The following MYO16 variants were observed in gnomAD, a reference collection of about 807,000 sequenced individuals.
MYO16 encodes the protein unconventional myosin-XVI.
Under a neutral mutation model 205.3 loss-of-function variants are expected in MYO16, and 94 were observed. The ratio of observed to expected loss-of-function variants is 0.46; its 90% confidence interval spans 0.39 to 0.54. The LOEUF is 0.54. Ranked by LOEUF, MYO16 falls within the 20% of genes least tolerant of loss-of-function variation. The pLI, the probability that MYO16 is intolerant of heterozygous loss-of-function variation, is 0.00. For synonymous variants in MYO16, 988 were observed against 954.0 expected, an observed-to-expected ratio of 1.04 and a Z score of -0.66; for missense variants, 2,315 against 2,387.5, an observed-to-expected ratio of 0.97 and a Z score of 0.63.
the MYO16 span, among the ~76,000 whole-genome samples, chr13:108,538,212 G>T: frequency 1.3e-5 from 2 of 152,064 alleles, no homozygotes; most frequent in African/African-American, 4.8e-5. Context: ...CTAATAAAGA[G>T]AATGTCACAG....
chr13:108,726,495 G>A lies in MYO16; in HGVS notation c.364-945G>A, dbSNP rs570207408. On this transcript the variant is annotated intron_variant, in intron 3 of 34. Transcript: ENST00000457511. ...AATTACTTGAACCTGGGAAGTGGAG[G>A]TTGCAGTGAGCTGAGATCGCGCCAC... Among the ~76,000 whole-genome samples, 3 of 151,558 alleles carry A rather than the reference G, an allele frequency of 2.0e-5. No individual in the cohort carries two copies. The South Asian group carries it at 6.3e-4, about 32-fold the overall frequency.
intron 2 of MYO16, among the ~76,000 whole-genome samples, chr13:108,703,168 G>A (rs1883373746): frequency 6.6e-6 from 1 of 152,084 alleles, no homozygotes; most frequent in Non-Finnish European, 1.5e-5. Context: ...GCTATATTTT[G>A]CCTGTAAGAG....
the MYO16 span, among the ~76,000 whole-genome samples, chr13:108,523,067 T>C: frequency 6.6e-6 from 1 of 152,086 alleles, no homozygotes; most frequent in Non-Finnish European, 1.5e-5. Flanking sequence ...GAAATAGACA[T>C]TACAGGGACT....
chr13:108,676,608 T>C (rs1379984681), intron 2 of MYO16, among the ~76,000 whole-genome samples: 2 of 152,074 alleles, frequency 1.3e-5, no homozygotes, highest in East Asian at 1.9e-4. Context: ...CTTGCGTCCA[T>C]TGAAAAGAAG....
At chr13:108,741,208 C>A (rs1220418673) in intron 4 of MYO16, among the ~76,000 whole-genome samples, 1 of 152,188 alleles carries the variant, frequency 6.6e-6, no homozygotes, top group East Asian at 1.9e-4. Context: ...GCAGAAATCA[C>A]CCATCTTCTG....
chr13:108,754,172 A>T (rs988632556), intron 4 of MYO16, among the ~76,000 whole-genome samples: 1 of 152,094 alleles, frequency 6.6e-6, no homozygotes, highest in African/African-American at 2.4e-5. Context: ...TGTAGCATGC[A>T]GAACAAACTG....
At chr13:108,970,140 A>G (rs751534653) in intron 20 of MYO16, among the ~76,000 whole-genome samples, 4 of 152,170 alleles carry the variant, frequency 2.6e-5, no homozygotes, top group Non-Finnish European at 4.4e-5. Flanking sequence ...GGCTGCCAGA[A>G]ATGTGTCTGT....
intron 16 of MYO16, among the ~76,000 whole-genome samples, chr13:108,949,383 A>T (rs977959213): frequency 6.6e-6 from 1 of 152,224 alleles, no homozygotes. Context: ...CACATATATT[A>T]ATCATTATGT....
At chr13:108,930,928 A>C (rs1882230053) in intron 16 of MYO16, among the ~76,000 whole-genome samples, 2 of 152,252 alleles carry the variant, frequency 1.3e-5, no homozygotes, top group Non-Finnish European at 2.9e-5. Context: ...AACAGTTTAG[A>C]TTAAATAGAT....
rs557581844 is a variant in MYO16 at position 108,925,254 on chromosome 13, T to G, written c.1925+15104T>G. On this transcript the variant is annotated intron_variant, in intron 16 of 34. Coordinates refer to ENST00000457511, the MANE Select transcript of MYO16 (RefSeq NM_001198950.3). The stretch of plus-strand genomic sequence containing the variant: ...AAAACAATGAAGTCATTGTGGTGTG[T>G]TTGCTTTCAGGAGTGACAATGGGGC... Among the ~76,000 whole-genome samples the G allele has an allele frequency of 4.7e-4, 72 of 152,266 alleles. 1 individual carries two copies. Among genetic ancestry groups the G allele is most frequent in the South Asian group, 4.1e-3 (20 of 4,820 alleles).
chr13:108,622,639 G>A (rs1879587509), intron 1 of MYO16, among the ~76,000 whole-genome samples: 1 of 150,332 alleles, frequency 6.7e-6, no homozygotes, highest in Non-Finnish European at 1.5e-5. Context: ...AAAAGGAGGA[G>A]GGGGGAAGGC....
At chr13:108,655,198 C>G (rs541506769) in intron 1 of MYO16, among the ~76,000 whole-genome samples, 62 of 152,280 alleles carry the variant, frequency 4.1e-4, no homozygotes, top group Non-Finnish European at 7.1e-4. Flanking sequence ...TAGGAAAAAA[C>G]AAAGGTTTCA....
chr13:109,134,135 A>T (rs157030), intron 31 of MYO16, among the ~76,000 whole-genome samples: 42,958 of 152,016 alleles, frequency 0.28, 6,495 homozygotes, highest in East Asian at 0.47. Context: ...AGTATCTTTC[A>T]TCTGTAGAAT....
the MYO16 span, among the ~76,000 whole-genome samples, chr13:108,502,521 G>C: frequency 1.3e-5 from 2 of 152,082 alleles, no homozygotes; most frequent in Admixed American, 1.3e-4. Flanking sequence ...ATTGATATTT[G>C]AATATCCTCT....
chr13:108,696,038 G>A (rs925259492), intron 2 of MYO16, among the ~76,000 whole-genome samples: 22 of 152,058 alleles, frequency 1.4e-4, no homozygotes, highest in Non-Finnish European at 2.8e-4. Context: ...TCAATTGTTT[G>A]AATTTAAAAA....
the MYO16 span, among the ~76,000 whole-genome samples, chr13:108,532,506 A>T: frequency 6.6e-6 from 1 of 151,722 alleles, no homozygotes; most frequent in African/African-American, 2.4e-5. Flanking sequence ...TTTTTAAAAC[A>T]AAAGAGGCTG....
the MYO16 span, among the ~76,000 whole-genome samples, chr13:108,560,601 A>C: frequency 6.6e-6 from 1 of 152,344 alleles, no homozygotes; most frequent in African/African-American, 2.4e-5. Flanking sequence ...AAATTTGGAT[A>C]TCTAAAGAAG....
chr13:108,948,232 C>A (rs949305295), intron 16 of MYO16, among the ~76,000 whole-genome samples: 2 of 152,152 alleles, frequency 1.3e-5, no homozygotes, highest in African/African-American at 4.8e-5. Flanking sequence ...TTTAATTTTG[C>A]CTTATTTGGC....
chr13:108,664,060 T>C (rs1200730174), intron 1 of MYO16, among the ~76,000 whole-genome samples: 1 of 152,226 alleles, frequency 6.6e-6, no homozygotes, highest in Non-Finnish European at 1.5e-5. Flanking sequence ...TCCAGAGCAA[T>C]TTGTCATCGT....
Sources: gnomAD v4.1 joint callset for allele counts (sites outside exome capture counted in the v4.1 genomes callset) on GRCh38, gnomAD v4.1.1 for gene constraint, MANE v1.5 for transcripts, NCBI Gene and HGNC (gene_info 2026-07-23, HGNC 2026-07-21) for gene names.